The following IL17RD variants were observed in gnomAD, a reference collection of about 807,000 sequenced individuals.
The protein encoded by IL17RD is interleukin-17 receptor D.
Under a neutral mutation model 80.5 loss-of-function variants are expected in IL17RD, and 52 were observed. The observed-to-expected ratio is 0.65, with a 90% CI of 0.52 to 0.81. The LOEUF is 0.81. IL17RD is among the 40% of genes least tolerant of loss of function. The pLI is 0.00. For synonymous variants in IL17RD, 416 were observed against 391.8 expected (o/e 1.06, Z -0.73); for missense variants, 1,024 against 955.1 (o/e 1.07, Z -0.95).
chr3:57,144,938 C>G (rs1707896572), intron 1 of IL17RD, among the ~76,000 whole-genome samples: 1 of 151,984 alleles, frequency 6.6e-6, no homozygotes, highest in Admixed American at 6.6e-5. Context: ...ATGTGTGTAT[C>G]ACTATTCTGA....
chr3:57,161,030 A>C (rs1031676510), intron 1 of IL17RD, among the ~76,000 whole-genome samples: 1 of 152,122 alleles, frequency 6.6e-6, no homozygotes, highest in African/African-American at 2.4e-5. Flanking sequence ...GGTTGGGTGG[A>C]TGGCTGAGGT....
intron 1 of IL17RD, among the ~76,000 whole-genome samples, chr3:57,148,542 T>C (rs1258052444): frequency 6.6e-6 from 1 of 152,124 alleles, no homozygotes; most frequent in African/African-American, 2.4e-5. Context: ...CTGCCACCAT[T>C]TGGTTTGTAC....
intron 1 of IL17RD, among the ~76,000 whole-genome samples, chr3:57,161,638 G>A (rs1334813317): frequency 6.6e-6 from 1 of 151,906 alleles, no homozygotes; most frequent in Admixed American, 6.5e-5. Context: ...CTCCCCCACT[G>A]CAGGAAAAGC....
At chr3:57,160,167 G>A (rs1210414377) in intron 1 of IL17RD, among the ~76,000 whole-genome samples, 2 of 151,932 alleles carry the variant, frequency 1.3e-5, no homozygotes, top group African/African-American at 4.8e-5. Flanking sequence ...GCGAAACTCC[G>A]TCTCAAAAAA....
At chr3:57,126,879 C>T (rs374195289) in intron 1 of IL17RD, among the ~76,000 whole-genome samples, 1 of 151,942 alleles carries the variant, frequency 6.6e-6, no homozygotes, top group South Asian at 2.1e-4. Flanking sequence ...GGCTGGAGTG[C>T]AGTGGTGAGA....
Position 57,094,875 on chromosome 3 carries a change from G to A in IL17RD, c.*1518C>T, listed in dbSNP as rs530424879. On this transcript the variant is annotated 3_prime_UTR_variant, in exon 13 of 13. Coordinates refer to ENST00000296318, the MANE Select transcript of IL17RD (RefSeq NM_017563.5). ...AGAAACTTGATGCCAGAGAACAGAC[G>A]AGCACGTTCTTTTCCCAAAAAGCTG... 63 of 152,768 alleles carry A rather than the reference G, an allele frequency of 4.1e-4. No individual in the cohort carries two copies. The highest frequency in any genetic ancestry group is 1.3e-3 in the African/African-American group (56 of 41,582). 9.5% of individuals were successfully genotyped at this position (152,768 alleles called of 1,614,324 possible). A position where few individuals can be genotyped will look rare whatever the true frequency, so the allele number is the denominator to read the frequency against.
chr3:57,165,057 G>A, intron 1 of IL17RD, 104 bp downstream of exon 1: 3 of 1,361,592 alleles, frequency 2.2e-6, no homozygotes, highest in Non-Finnish European at 1.9e-6. Flanking sequence ...CGGACCCCGC[G>A]AAGAGCAGAC....
Position 57,165,325 on chromosome 3 carries a change from C to G in IL17RD, c.-39G>C, listed in dbSNP as rs889486996. On this transcript the variant is annotated 5_prime_UTR_variant, in exon 1 of 13. Coordinates refer to ENST00000296318, the MANE Select transcript of IL17RD (RefSeq NM_017563.5). The stretch of plus-strand genomic sequence containing the variant: ...CCCAGCCAGGCCGTTCTCTGCGCCC[C>G]GGCCGCCCGCCGCTGGCCAGCCCCG... 63 of 1,311,188 alleles carry G rather than the reference C, an allele frequency of 4.8e-5. No individual in the cohort carries two copies. The highest frequency in any genetic ancestry group is 6.1e-5 in the Non-Finnish European group (63 of 1,025,830). 81.2% of individuals were successfully genotyped at this position (1,311,188 alleles called of 1,614,324 possible).
intron 1 of IL17RD, among the ~76,000 whole-genome samples, chr3:57,142,024 GA>G (rs930296663): frequency 7.3e-5 from 11 of 149,678 alleles, no homozygotes; most frequent in Admixed American, 2.0e-4. Flanking sequence ...ATAGCCACAG[GA>G]AAAAAAAAAT....
chr3:57,110,118 C>G (rs754878312), intron 4 of IL17RD, 75 bp downstream of exon 4: 22 of 1,521,696 alleles, frequency 1.4e-5, no homozygotes, highest in Non-Finnish European at 2.0e-5. Flanking sequence ...TCTCCAATTT[C>G]AGACTTTGAA....
At chr3:57,160,244 C>T (rs1906505) in intron 1 of IL17RD, among the ~76,000 whole-genome samples, 36,175 of 151,640 alleles carry the variant, frequency 0.24, 5,578 homozygotes, top group African/African-American at 0.4. Flanking sequence ...GGAGCAGACA[C>T]CTGCTGGGGC....
intron 1 of IL17RD, 59 bp downstream of exon 1, chr3:57,165,102 G>C: frequency 6.9e-7 from 1 of 1,452,054 alleles, no homozygotes; most frequent in South Asian, 1.4e-5. Flanking sequence ...GCGAGCACCT[G>C]TGCGCGCTGC....
Position 57,104,348 on chromosome 3 carries a change from T to C in IL17RD, c.807A>G (p.Ile269Met), listed in dbSNP as rs980558523. 13 of 1,604,866 alleles carry C rather than the reference T, an allele frequency of 8.1e-6. No homozygotes were observed. The highest frequency in any genetic ancestry group is 6.7e-5 in the East Asian group (3 of 44,866). Residue 269 changes from isoleucine to methionine, a missense_variant, in exon 8 of 13, where the codon ATA becomes ATG. Physicochemically the swap from Ile to Met is conservative, Grantham distance 10. Transcript: ENST00000296318. Reference protein sequence around the residue: ...LLQNVSPGDYIIELVDDTNTT... With the variant: ...LLQNVSPGDYMIELVDDTNTT... ...TTTCTTGTGTTATGCATACCTCAAT[T>C]ATATAATCCCCTGGAGAAACATTTT...
rs58398251 is a variant in IL17RD at position 57,127,412 on chromosome 3, A to ATTT, written c.127-7102_127-7100dup. Among the ~76,000 whole-genome samples, 620 of 91,194 alleles carry ATTT rather than the reference A, an allele frequency of 6.8e-3. 37 individuals are homozygous for ATTT. Among genetic ancestry groups the ATTT allele is most frequent in the African/African-American group, 0.029 (588 of 20,474 alleles). 59.8% of individuals were successfully genotyped at this position (91,194 alleles called of 152,430 possible). A position where few individuals can be genotyped will look rare whatever the true frequency, so the allele number is the denominator to read the frequency against. On this transcript the variant is annotated intron_variant, in intron 1 of 12. Transcript: ENST00000296318. Reference sequence around the variant, plus strand: ...AATAAATAAATATATATATATATATATTTTTTTTTTGAGATAAGAGTCTTG... The same window carrying ATTT: ...AATAAATAAATATATATATATATATATTTTTTTTTTTTTGAGATAAGAGTCTTG...
At chr3:57,141,729 A>G (rs1382624756) in intron 1 of IL17RD, among the ~76,000 whole-genome samples, 2 of 152,236 alleles carry the variant, frequency 1.3e-5, no homozygotes, top group East Asian at 1.9e-4. Context: ...CCCATACTAG[A>G]ACACCATGCC....
chr3:57,111,396 T>A (rs1334104598), intron 3 of IL17RD, among the ~76,000 whole-genome samples: 1 of 152,174 alleles, frequency 6.6e-6, no homozygotes, highest in Non-Finnish European at 1.5e-5. Flanking sequence ...TGCACAGGTA[T>A]CGACTCTGCC....
intron 4 of IL17RD, among the ~76,000 whole-genome samples, chr3:57,109,985 C>T (rs755809376): frequency 1.3e-5 from 2 of 152,204 alleles, no homozygotes; most frequent in Non-Finnish European, 2.9e-5. Context: ...AGCAGTAACC[C>T]GAGAGGCATG....
intron 11 of IL17RD, among the ~76,000 whole-genome samples, chr3:57,100,418 C>T (rs949424388): frequency 6.6e-6 from 1 of 152,212 alleles, no homozygotes; most frequent in Non-Finnish European, 1.5e-5. Context: ...GTATGTCTTG[C>T]ATGAGAGTTT....
At chr3:57,121,160 T>TAAA (rs1364801522) in intron 1 of IL17RD, among the ~76,000 whole-genome samples, 1 of 152,236 alleles carries the variant, frequency 6.6e-6, no homozygotes, top group Non-Finnish European at 1.5e-5. Flanking sequence ...CAAAATATGT[T>TAAA]AATTCTGAAA....
Sources: gnomAD v4.1 joint callset for allele counts (sites outside exome capture counted in the v4.1 genomes callset) on GRCh38, gnomAD v4.1.1 for gene constraint, MANE v1.5 for transcripts, NCBI Gene and HGNC (gene_info 2026-07-23, HGNC 2026-07-21) for gene names.